The following SAMD12 variants were observed in gnomAD, a reference collection of about 807,000 sequenced individuals.
SAMD12 encodes the protein sterile alpha motif domain containing 12, also known as sterile alpha motif domain-containing protein 12.
Under a neutral mutation model 15.0 loss-of-function variants are expected in SAMD12, and 9 were observed. That is an observed-to-expected ratio of 0.60 (90% CI 0.36 to 1.05). The LOEUF (loss-of-function observed/expected upper bound fraction) is 1.05, where lower values mean the gene tolerates loss of function less well. Among genes scored for constraint, SAMD12 ranks in the 50% least tolerant of loss-of-function variants. The pLI is 0.01. For missense variants in SAMD12, 230 were observed against 234.2 expected, an observed-to-expected ratio of 0.98 and a Z score of 0.12; for synonymous variants, 86 against 90.1, an observed-to-expected ratio of 0.96 and a Z score of 0.25.
At chr8:118,433,487 T>C (rs1475349240) in intron 3 of SAMD12, among the ~76,000 whole-genome samples, 1 of 152,062 alleles carries the variant, frequency 6.6e-6, no homozygotes, top group Non-Finnish European at 1.5e-5. Flanking sequence ...TCAGAATTCT[T>C]TTCCCCTGAA....
chr8:118,500,808 A>C (rs1162732441), intron 2 of SAMD12, among the ~76,000 whole-genome samples: 1 of 152,194 alleles, frequency 6.6e-6, no homozygotes. Flanking sequence ...TCTGTCTTAA[A>C]TAAATAAATA....
intron 1 of SAMD12, among the ~76,000 whole-genome samples, chr8:118,584,922 TACACACACACAC>T (rs141290440): frequency 4.8e-5 from 7 of 146,970 alleles, no homozygotes; most frequent in African/African-American, 1.0e-4. Flanking sequence ...CTTGTAGGTA[TACACACACACAC>T]ACACACACAC....
At chr8:118,291,445 A>T (rs1814358711) in intron 4 of SAMD12, 1 of 152,172 alleles carries the variant, frequency 6.6e-6, no homozygotes, top group African/African-American at 2.4e-5. Flanking sequence ...AGGAAGTGGA[A>T]AAAAGAATGA....
chr8:118,304,486 T>C (rs1295732025), intron 4 of SAMD12, among the ~76,000 whole-genome samples: 1 of 152,122 alleles, frequency 6.6e-6, no homozygotes, highest in Non-Finnish European at 1.5e-5. Context: ...AAATGACTTA[T>C]CCAGTGGCTC....
chr8:118,463,609 GA>G (rs768971977), intron 2 of SAMD12, among the ~76,000 whole-genome samples: 41 of 152,224 alleles, frequency 2.7e-4, no homozygotes, highest in South Asian at 1.0e-3. Context: ...AAGGGGAACA[GA>G]AATTACAAGT....
Position 118,352,397 on chromosome 8 carries a change from G to C in SAMD12, c.433+27163C>G, listed in dbSNP as rs561910217. Among the ~76,000 whole-genome samples the C allele has an allele frequency of 9.6e-4, 146 of 152,210 alleles. 1 individual carries two copies. Among genetic ancestry groups the C allele is most frequent in the African/African-American group, 3.5e-3 (144 of 41,532 alleles). ...AAAGAATAAAACCGTGAAACAGATGGATTGCTGTTTTAAAGATTAAAATTA... is the reference window on the plus strand; with the variant it reads ...AAAGAATAAAACCGTGAAACAGATGCATTGCTGTTTTAAAGATTAAAATTA... On this transcript the variant is annotated intron_variant, in intron 4 of 4. Coordinates refer to the SAMD12 transcript ENST00000409003.
At chr8:118,507,991 C>CTTTTTTTTT (rs11384671) in intron 2 of SAMD12, among the ~76,000 whole-genome samples, 3 of 108,818 alleles carry the variant, frequency 2.8e-5, no homozygotes, top group Non-Finnish European at 3.6e-5. Flanking sequence ...GTATAATCTC[C>CTTTTTTTTT]TTTTTTTTTT....
intron 2 of SAMD12, among the ~76,000 whole-genome samples, chr8:118,440,545 G>A (rs1480464710): frequency 6.6e-6 from 1 of 151,992 alleles, no homozygotes; most frequent in Non-Finnish European, 1.5e-5. Flanking sequence ...ATTCCACCAG[G>A]ATGTGGAGAA....
At position 118,378,280 on chromosome 8, in the gene SAMD12, C is replaced by A. The variant is rs1323577588; in HGVS notation, c.*1137G>T. On this transcript the variant is annotated 3_prime_UTR_variant, in exon 4 of 4. Coordinates refer to ENST00000314727, the MANE Select transcript of SAMD12 (RefSeq NM_207506.3). ...GACCTCTAGGTTGCTTGTAAATTTTCCGTTTTCCAAATAGCACTGTGACAG... is the reference window on the plus strand; with the variant it reads ...GACCTCTAGGTTGCTTGTAAATTTTACGTTTTCCAAATAGCACTGTGACAG... The A allele has an allele frequency of 3.8e-6, 2 of 525,190 alleles. No homozygotes were observed. The highest frequency in any genetic ancestry group is 4.2e-5 in the African/African-American group (2 of 48,134). 32.5% of individuals were successfully genotyped at this position (525,190 alleles called of 1,614,324 possible). A position where few individuals can be genotyped will look rare whatever the true frequency, so the allele number is the denominator to read the frequency against.
intron 3 of SAMD12, among the ~76,000 whole-genome samples, chr8:118,438,929 T>C (rs1253996142): frequency 5.3e-5 from 8 of 152,174 alleles, no homozygotes; most frequent in Admixed American, 3.3e-4. Flanking sequence ...GTATCCTCAG[T>C]CCTATCTTTC....
At chr8:118,540,334 T>G (rs1026834798) in intron 2 of SAMD12, among the ~76,000 whole-genome samples, 1 of 152,230 alleles carries the variant, frequency 6.6e-6, no homozygotes, top group African/African-American at 2.4e-5. Context: ...TTAATTATAA[T>G]AAAGTGCTAA....
chr8:118,200,681 G>A (rs1819690679), intron 4 of SAMD12, among the ~76,000 whole-genome samples: 1 of 152,166 alleles, frequency 6.6e-6, no homozygotes, highest in East Asian at 1.9e-4. Flanking sequence ...TGCTGTTTTT[G>A]CAGTTAGTAT....
intron 4 of SAMD12, among the ~76,000 whole-genome samples, chr8:118,277,581 T>TA (rs1373853636): frequency 0.021 from 2,643 of 125,174 alleles, 63 homozygotes; most frequent in South Asian, 0.062. Context: ...GTCTCCTGAG[T>TA]AAAAAAAAAA....
intron 1 of SAMD12, among the ~76,000 whole-genome samples, chr8:118,614,789 C>A (rs984964641): frequency 7.2e-5 from 11 of 152,212 alleles, no homozygotes; most frequent in South Asian, 2.1e-4. Context: ...CTGCTCTTCA[C>A]GCGGGAGGCA....
At chr8:118,167,920 G>C in the SAMD12 span, among the ~76,000 whole-genome samples, 32 of 152,236 alleles carry the variant, frequency 2.1e-4, no homozygotes, top group Admixed American at 6.5e-4. Flanking sequence ...ATAACAATGT[G>C]ACATGATTTG....
chr8:118,261,935 C>T (rs139763302), intron 4 of SAMD12, among the ~76,000 whole-genome samples: 272 of 151,156 alleles, frequency 1.8e-3, no homozygotes, highest in Middle Eastern at 0.014. Flanking sequence ...CCTGAGTATC[C>T]AACAATAGAT....
intron 4 of SAMD12, among the ~76,000 whole-genome samples, chr8:118,300,922 A>T (rs1025727887): frequency 6.6e-6 from 1 of 152,234 alleles, no homozygotes; most frequent in Non-Finnish European, 1.5e-5. Context: ...AACATGATGC[A>T]TAAAGATGGT....
chr8:118,176,700 G>A, the SAMD12 span, among the ~76,000 whole-genome samples: 3 of 152,008 alleles, frequency 2.0e-5, no homozygotes, highest in Non-Finnish European at 2.9e-5. Context: ...CATCCTATTG[G>A]GTATTATCCT....
intron 2 of SAMD12, among the ~76,000 whole-genome samples, chr8:118,577,942 T>C (rs1234107242): frequency 2.0e-5 from 3 of 152,088 alleles, no homozygotes; most frequent in African/African-American, 4.8e-5. Flanking sequence ...TTAAAATAAA[T>C]ACACTTAAAA....
Sources: gnomAD v4.1 joint callset for allele counts (sites outside exome capture counted in the v4.1 genomes callset) on GRCh38, gnomAD v4.1.1 for gene constraint, MANE v1.5 for transcripts, NCBI Gene and HGNC (gene_info 2026-07-23, HGNC 2026-07-21) for gene names.